The following FUBP3 variants were observed in gnomAD, a reference collection of about 807,000 sequenced individuals.
FUBP3 encodes far upstream element-binding protein 3.
In FUBP3, 28 loss-of-function variants were observed where a neutral mutation model predicts 85.6. The observed-to-expected ratio is 0.33, with a 90% CI of 0.24 to 0.45. The LOEUF is 0.45. Among genes scored for constraint, FUBP3 ranks in the 20% least tolerant of loss-of-function variants. The pLI is 1.00. For synonymous variants in FUBP3, 271 were observed against 271.4 expected (o/e 1.00, Z 0.01); for missense variants, 583 against 755.1 (o/e 0.77, Z 2.67).
chr9:130,634,470 C>T, intron 16 of FUBP3, among the ~76,000 whole-genome samples, 197 bp from the exon 17 acceptor site: 1 of 152,228 alleles, frequency 6.6e-6, no homozygotes, highest in East Asian at 1.9e-4. Flanking sequence ...TGTGCCCAGC[C>T]CCACCCTTAC....
intron 2 of FUBP3, among the ~76,000 whole-genome samples, chr9:130,600,851 C>T (rs1464435139): frequency 6.6e-6 from 1 of 152,026 alleles, no homozygotes; most frequent in Non-Finnish European, 1.5e-5. Flanking sequence ...TGGTGCATGC[C>T]TGCAGCCCCA....
Position 130,636,257 on chromosome 9 carries a change from G to A in FUBP3, c.1710+131G>A, listed in dbSNP as rs9919020. On this transcript the variant is annotated intron_variant, in intron 18 of 18. Transcript: ENST00000319725. ...AACCTCTGGGCGCCATAGCTCCTCA[G>A]CGAGGCTGCTTCTGCTGAGAGCCCG... 552 of 929,816 alleles carry A rather than the reference G, an allele frequency of 5.9e-4. 2 individuals carry two copies. The African/African-American group carries it at 7.9e-3, about 13-fold the overall frequency. 57.6% of individuals were successfully genotyped at this position (929,816 alleles called of 1,614,324 possible).
intron 16 of FUBP3, among the ~76,000 whole-genome samples, chr9:130,633,451 G>T (rs1313699336): frequency 1.3e-5 from 2 of 152,316 alleles, no homozygotes; most frequent in Non-Finnish European, 2.9e-5. Flanking sequence ...TTGACTCTGG[G>T]GACACTGAGG....
rs1194493585 is a variant in FUBP3, at chr9:130,590,449, T to G, written c.85-5034T>G. ...CGTTGATTTGTTTTTCATTTATCACTGTGCTTAAAATAGCATGGGTAGTGA... is the reference window on the plus strand; with the variant it reads ...CGTTGATTTGTTTTTCATTTATCACGGTGCTTAAAATAGCATGGGTAGTGA... On this transcript the variant is annotated intron_variant, in intron 1 of 18. Transcript: ENST00000319725. Among the ~76,000 whole-genome samples, 3 of 152,256 alleles carry G rather than the reference T, an allele frequency of 2.0e-5. No individual in the cohort carries two copies. In the East Asian group the frequency reaches 5.8e-4, roughly 29 times the overall value.
At chr9:130,619,282 A>C (rs1234296357) in intron 8 of FUBP3, among the ~76,000 whole-genome samples, 3 of 151,532 alleles carry the variant, frequency 2.0e-5, no homozygotes, top group Non-Finnish European at 4.4e-5. Flanking sequence ...GTGATTTTTA[A>C]ATTTTAAAAC....
intron 1 of FUBP3, among the ~76,000 whole-genome samples, chr9:130,580,145 G>A (rs1465712387): frequency 6.6e-6 from 1 of 152,226 alleles, no homozygotes; most frequent in East Asian, 1.9e-4. Flanking sequence ...GCAGCTGTCT[G>A]ACGCCCAGTA....
chr9:130,633,877 G>A (rs1054460806), intron 16 of FUBP3, among the ~76,000 whole-genome samples: 1 of 152,202 alleles, frequency 6.6e-6, no homozygotes, highest in Non-Finnish European at 1.5e-5. Flanking sequence ...GCAGTGGTTT[G>A]CCCTTCCTCC....
intron 1 of FUBP3, among the ~76,000 whole-genome samples, chr9:130,589,667 A>ATGTG (rs201160322): frequency 2.0e-4 from 12 of 60,042 alleles, no homozygotes; most frequent in African/African-American, 5.5e-4. Flanking sequence ...ATATGTATGT[A>ATGTG]TGTGTGTGTA....
chr9:130,585,168 A>G (rs1217273305), intron 1 of FUBP3, among the ~76,000 whole-genome samples: 3 of 152,144 alleles, frequency 2.0e-5, no homozygotes, highest in Non-Finnish European at 4.4e-5. Flanking sequence ...TCAAAAGAAA[A>G]AAAAAGATTT....
intron 1 of FUBP3, among the ~76,000 whole-genome samples, chr9:130,583,719 TC>T (rs1830225884): frequency 6.6e-6 from 1 of 152,146 alleles, no homozygotes; most frequent in Non-Finnish European, 1.5e-5. Context: ...GAGTGAGTCT[TC>T]CTTAAAGGGT....
intron 2 of FUBP3, among the ~76,000 whole-genome samples, chr9:130,607,675 C>T (rs772349811): frequency 1.2e-4 from 19 of 152,126 alleles, no homozygotes; most frequent in Admixed American, 6.5e-4. Context: ...GAGTACCCAG[C>T]GCCCCTGATC....
Position 130,579,756 on chromosome 9 carries a change from G to T in FUBP3, c.76G>T (p.Val26Phe). Residue 26 changes from valine to phenylalanine, a missense_variant, in exon 1 of 19, where the codon GTC (valine) becomes TTC (phenylalanine). By Grantham distance (50) the Val-to-Phe change is conservative. Transcript: ENST00000319725. ...GGGCTTCGTGGATGCCCTGCACCGGGTCCGGCAGGTACGGGCGCAGCCGGC... is the reference window on the plus strand; with the variant it reads ...GGGCTTCGTGGATGCCCTGCACCGGTTCCGGCAGGTACGGGCGCAGCCGGC... ...AEGFVDALHR[V>F]RQIAAKIDSI... is the part of the protein sequence containing the mutation. The T allele has an allele frequency of 7.8e-7, 1 of 1,279,386 alleles. No homozygotes were observed. Among genetic ancestry groups the T allele is most frequent in the Admixed American group, 3.4e-5 (1 of 29,182 alleles). 79.3% of individuals were successfully genotyped at this position (1,279,386 alleles called of 1,614,324 possible). A position where few individuals can be genotyped will look rare whatever the true frequency, so the allele number is the denominator to read the frequency against.
chr9:130,584,516 A>C (rs896351762), intron 1 of FUBP3, among the ~76,000 whole-genome samples: 1 of 151,746 alleles, frequency 6.6e-6, no homozygotes, highest in African/African-American at 2.4e-5. Flanking sequence ...TGAAAAGAGC[A>C]AAACTTTGTC....
Position 130,630,752 on chromosome 9 carries a change from C to G in FUBP3, c.1242C>G (p.Ile414Met). The change falls in exon 13 of 19, where the codon ATC (isoleucine) becomes ATG (methionine). Residue 414 changes from isoleucine to methionine, a missense_variant. Transcript: ENST00000319725. ...RFTIRGVPQQ[I>M]EVARQLIDEK... is the part of the protein sequence containing the mutation. ...CCATCAGGGGGGTTCCCCAGCAGAT[C>G]GAGGTGGCCAGGCAGCTCATAGATG... 2 of 1,550,208 alleles carry G rather than the reference C, an allele frequency of 1.3e-6. No individual in the cohort carries two copies. Among genetic ancestry groups the G allele is most frequent in the Non-Finnish European group, 1.7e-6 (2 of 1,149,854 alleles).
At chr9:130,591,867 A>G (rs1033549755) in intron 1 of FUBP3, among the ~76,000 whole-genome samples, 1 of 152,244 alleles carries the variant, frequency 6.6e-6, no homozygotes, top group African/African-American at 2.4e-5. Flanking sequence ...GGAGGAAAAA[A>G]TGACATGAAA....
chr9:130,593,263 T>C (rs570200859), intron 1 of FUBP3, among the ~76,000 whole-genome samples: 1 of 152,212 alleles, frequency 6.6e-6, no homozygotes, highest in Non-Finnish European at 1.5e-5. Flanking sequence ...ATGATCAGTT[T>C]ATTGATTACC....
At position 130,629,962 on chromosome 9, in the gene FUBP3, C is replaced by T. The variant is rs183740038; in HGVS notation, c.1118-666C>T. Among the ~76,000 whole-genome samples the T allele has an allele frequency of 6.6e-5, 10 of 152,322 alleles. No homozygotes were observed. In the South Asian group the frequency reaches 8.3e-4, roughly 13 times the overall value. ...ATTTCATTAAGAGACTGAGACTCTC[C>T]GCAGGTTTTTGAAAGAGACCAACTG... On this transcript the variant is annotated intron_variant, in intron 12 of 18. Transcript: ENST00000319725.
chr9:130,580,991 T>A (rs1830110395), intron 1 of FUBP3: 2 of 152,294 alleles, frequency 1.3e-5, no homozygotes, highest in African/African-American at 4.8e-5. Flanking sequence ...CTTCCACCAC[T>A]CTGCTTGCTG....
chr9:130,636,215 A>C (rs1564232435), intron 18 of FUBP3, 89 bp downstream of exon 18: 1 of 1,343,554 alleles, frequency 7.4e-7, no homozygotes, highest in Non-Finnish European at 1.1e-6. Flanking sequence ...CCAGGATGAG[A>C]GCGCTGGGCT....
Sources: allele counts gnomAD v4.1 joint callset (sites outside exome capture counted in the v4.1 genomes callset), GRCh38; gene constraint gnomAD v4.1.1; transcripts MANE v1.5; gene names NCBI Gene and HGNC (gene_info 2026-07-23, HGNC 2026-07-21).